Variants in BBS9 observed in about 807,000 individuals in gnomAD.
The protein encoded by BBS9 is Bardet-Biedl syndrome 9.
In BBS9, 89 loss-of-function variants were observed where a neutral mutation model predicts 117.7. The observed-to-expected ratio is 0.76, with a 90% confidence interval of 0.64 to 0.90. BBS9 has a LOEUF of 0.90. BBS9 is among the 40% of genes least tolerant of loss of function. The pLI is 0.00. For synonymous variants in BBS9, 379 were observed against 370.9 expected (o/e 1.02, Z -0.25); for missense variants, 982 against 1,042.2 (o/e 0.94, Z 0.80).
At chr7:33,138,975 A>G (rs116188250) in intron 1 of BBS9, among the ~76,000 whole-genome samples, 1,531 of 151,388 alleles carry the variant, frequency 0.01, 32 homozygotes, top group African/African-American at 0.035. Context: ...AAATGAGGCC[A>G]GGTGTGGTGG....
At chr7:33,375,943 T>G (rs1450432116) in intron 17 of BBS9, among the ~76,000 whole-genome samples, 1 of 152,144 alleles carries the variant, frequency 6.6e-6, no homozygotes, top group East Asian at 1.9e-4. Flanking sequence ...CTGTATATGT[T>G]GATGAAAAAT....
intron 11 of BBS9, 37 bp from the exon 12 acceptor site, chr7:33,344,544 A>C: frequency 5.0e-6 from 8 of 1,599,712 alleles, no homozygotes; most frequent in Non-Finnish European, 6.9e-6. Context: ...TAATATTGAC[A>C]TCATTCTTTC....
intron 5 of BBS9, among the ~76,000 whole-genome samples, chr7:33,225,822 C>T (rs1791157732): frequency 6.6e-6 from 1 of 151,298 alleles, no homozygotes; most frequent in Non-Finnish European, 1.5e-5. Context: ...AGGAAATATA[C>T]ATACTTAGTA....
intron 5 of BBS9, among the ~76,000 whole-genome samples, chr7:33,252,067 G>T (rs959236279): frequency 6.6e-6 from 1 of 152,090 alleles, no homozygotes; most frequent in Non-Finnish European, 1.5e-5. Context: ...TTACAATCAC[G>T]GTGGAAGGCA....
At chr7:33,210,078 C>T (rs572716129) in intron 5 of BBS9, among the ~76,000 whole-genome samples, 17 of 152,184 alleles carry the variant, frequency 1.1e-4, no homozygotes, top group African/African-American at 2.4e-4. Flanking sequence ...TCATAGGTTT[C>T]GGTACATTAT....
chr7:33,304,371 C>CTG, intron 9 of BBS9, among the ~76,000 whole-genome samples: 4 of 139,690 alleles, frequency 2.9e-5, no homozygotes, highest in African/African-American at 1.2e-4. Context: ...TGAGGAGCAC[C>CTG]TCTGCCCGGC....
chr7:33,204,753 G>C (rs1331017754), intron 5 of BBS9, among the ~76,000 whole-genome samples: 3 of 152,132 alleles, frequency 2.0e-5, no homozygotes, highest in Admixed American at 6.5e-5. Flanking sequence ...CCTCATACAA[G>C]ATAGCAGGAA....
intron 5 of BBS9, among the ~76,000 whole-genome samples, chr7:33,181,757 T>C (rs1425320818): frequency 6.6e-6 from 1 of 152,224 alleles, no homozygotes; most frequent in South Asian, 2.1e-4. Flanking sequence ...TTCCACAACT[T>C]GTTCAAACCT....
At chr7:33,163,751 A>G (rs1004424500) in intron 4 of BBS9, among the ~76,000 whole-genome samples, 11 of 152,080 alleles carry the variant, frequency 7.2e-5, no homozygotes, top group African/African-American at 2.4e-4. Flanking sequence ...CTAGAGGTCT[A>G]TCAATTTTGT....
At position 33,151,681 on chromosome 7, in the gene BBS9, C is replaced by G. The variant is rs1324159311; in HGVS notation, c.113-1020C>G. ...TCTCCTGCCTCAGCCTCCTGGGTAG[C>G]TGGGATTACGGGCATGCGCCACCAC... On this transcript the variant is annotated intron_variant, in intron 2 of 22. Coordinates refer to ENST00000242067, the MANE Select transcript of BBS9 (RefSeq NM_198428.3). 3.9e-5 allele frequency among the ~76,000 whole-genome samples: 6 copies of G among 152,032 alleles called. No homozygotes were observed. In the East Asian group the frequency reaches 1.2e-3, roughly 29 times the overall value.
At chr7:33,489,460 C>G (rs528198024) in intron 19 of BBS9, among the ~76,000 whole-genome samples, 2 of 146,296 alleles carry the variant, frequency 1.4e-5, no homozygotes, top group Non-Finnish European at 3.0e-5. Context: ...CATCTCTGTT[C>G]AGGCAATAGC....
At chr7:33,417,014 T>C (rs1317609209) in intron 19 of BBS9, among the ~76,000 whole-genome samples, 1 of 152,184 alleles carries the variant, frequency 6.6e-6, no homozygotes, top group Non-Finnish European at 1.5e-5. Context: ...CAAAATGTAA[T>C]TGAAATGGTT....
At chr7:33,596,681 A>G (rs535472186) in intron 21 of BBS9, among the ~76,000 whole-genome samples, 10 of 152,282 alleles carry the variant, frequency 6.6e-5, no homozygotes, top group East Asian at 1.9e-4. Flanking sequence ...TACTGCTAAT[A>G]TATTTTGTAT....
intron 19 of BBS9, among the ~76,000 whole-genome samples, chr7:33,457,859 C>G (rs1195142950): frequency 1.3e-5 from 2 of 152,140 alleles, no homozygotes; most frequent in Non-Finnish European, 2.9e-5. Flanking sequence ...TTAAAGTGCC[C>G]ATTCCATAAA....
At chr7:33,233,530 A>G (rs1792886739) in intron 5 of BBS9, among the ~76,000 whole-genome samples, 1 of 152,176 alleles carries the variant, frequency 6.6e-6, no homozygotes, top group African/African-American at 2.4e-5. Context: ...GAGGAAGGAC[A>G]TTGTATTTCA....
At chr7:33,222,776 C>T (rs1394412432) in intron 5 of BBS9, among the ~76,000 whole-genome samples, 5 of 151,568 alleles carry the variant, frequency 3.3e-5, no homozygotes, top group Admixed American at 6.6e-5. Context: ...GGTTAAACCC[C>T]CGTGTCTACT....
At position 33,498,983 on chromosome 7, in the gene BBS9, T is replaced by C. The variant is rs192540284; in HGVS notation, c.2116-6480T>C. Reference sequence around the variant, plus strand: ...TACTGTATTACATTTCCATCAGCAATGTACGTGGGTTCCAATTTCTCCACA... The same window carrying C: ...TACTGTATTACATTTCCATCAGCAACGTACGTGGGTTCCAATTTCTCCACA... On this transcript the variant is annotated intron_variant, in intron 19 of 22. Coordinates refer to ENST00000242067, the MANE Select transcript of BBS9 (RefSeq NM_198428.3). 1.4e-3 allele frequency among the ~76,000 whole-genome samples: 210 copies of C among 152,322 alleles called. 1 individual carries two copies. The highest frequency in any genetic ancestry group is 0.01 in the Middle Eastern group (3 of 294).
At chr7:33,385,663 T>C (rs1202214592) in intron 18 of BBS9, among the ~76,000 whole-genome samples, 1 of 152,190 alleles carries the variant, frequency 6.6e-6, no homozygotes, top group African/African-American at 2.4e-5. Context: ...ATTTAGGAAA[T>C]AAATTATTAC....
chr7:33,415,668 G>T (rs904505908), intron 19 of BBS9, among the ~76,000 whole-genome samples: 2 of 152,100 alleles, frequency 1.3e-5, no homozygotes, highest in African/African-American at 4.8e-5. Flanking sequence ...CCTGCTTGTT[G>T]TATCCTTGAT....
Sources: allele counts gnomAD v4.1 joint callset (sites outside exome capture counted in the v4.1 genomes callset), GRCh38; gene constraint gnomAD v4.1.1; transcripts MANE v1.5; gene names NCBI Gene and HGNC (gene_info 2026-07-23, HGNC 2026-07-21).